The following ANKRD26 variants were observed in gnomAD, a reference collection of about 807,000 sequenced individuals.
The protein encoded by ANKRD26 is ankyrin repeat domain-containing protein 26.
In ANKRD26, 141 loss-of-function variants were observed where a neutral mutation model predicts 208.7. That is an observed-to-expected ratio of 0.68 (90% CI 0.59 to 0.78). ANKRD26 has a LOEUF of 0.78. Ranked by LOEUF, ANKRD26 falls within the 30% of genes least tolerant of loss-of-function variation. ANKRD26 has a pLI of 0.00. For synonymous variants in ANKRD26, 636 were observed against 660.4 expected, an observed-to-expected ratio of 0.96 and a Z score of 0.57; for missense variants, 1,889 against 1,938.7, an observed-to-expected ratio of 0.97 and a Z score of 0.48.
chr10:26,986,919 C>T (rs1246533513), downstream of ANKRD26, among the ~76,000 whole-genome samples: 9 of 152,342 alleles, frequency 5.9e-5, no homozygotes, highest in East Asian at 1.7e-3. Flanking sequence ...ACCCAGCCAT[C>T]CCATTACTGG....
chr10:27,041,929 A>G (rs1000659670), intron 20 of ANKRD26, among the ~76,000 whole-genome samples: 3 of 152,184 alleles, frequency 2.0e-5, no homozygotes, highest in African/African-American at 7.2e-5. Flanking sequence ...CAGAACTATA[A>G]CAAAATTATA....
intron 18 of ANKRD26, among the ~76,000 whole-genome samples, chr10:27,045,728 T>G (rs1342080203): frequency 6.6e-6 from 1 of 152,198 alleles, no homozygotes; most frequent in Non-Finnish European, 1.5e-5. Flanking sequence ...CAATTCAGTA[T>G]GGCCTATATG....
intron 32 of ANKRD26, among the ~76,000 whole-genome samples, chr10:27,011,604 G>GT (rs1326305792): frequency 6.6e-6 from 1 of 152,028 alleles, no homozygotes; most frequent in African/African-American, 2.4e-5. Flanking sequence ...GAGTGAAATC[G>GT]TAAGGCTGGA....
At chr10:27,042,796 T>TACAAAAAAAAAAAAAAAAAAAAA (rs2054297883) in intron 20 of ANKRD26, among the ~76,000 whole-genome samples, 4 of 24,562 alleles carry the variant, frequency 1.6e-4, no homozygotes, top group Admixed American at 4.7e-4. Context: ...AACAAAAAAA[T>TACAAAAAAAAAAAAAAAAAAAAA]ACAAAAAAAA....
At chr10:27,018,653 G>A (rs902185813) in intron 29 of ANKRD26, among the ~76,000 whole-genome samples, 3 of 152,126 alleles carry the variant, frequency 2.0e-5, no homozygotes, top group East Asian at 3.9e-4. Flanking sequence ...TGGTGTTAAG[G>A]CCACAGAATA....
chr10:27,100,204 G>T lies in ANKRD26; in HGVS notation c.123C>A (p.His41Gln). ...GEGAYSQPGY[H>Q]VRDRDLGKIH... ...TCTTGCCGAGATCTCGGTCTCGGACGTGGTAGCCGGGCTGCGAGTAGGCGC... is the reference window on the plus strand; with the variant it reads ...TCTTGCCGAGATCTCGGTCTCGGACTTGGTAGCCGGGCTGCGAGTAGGCGC... The change falls in exon 1 of 34, where the codon CAC becomes CAA. Residue 41 changes from histidine to glutamine, a missense_variant. By Grantham distance (24) the His-to-Gln change is conservative (BLOSUM62 0). Around this residue, in one of 3 missense-constraint regions of ANKRD26, gnomAD observed 1,272 missense variants for 1,273.8 expected, o/e 1.00. Coordinates refer to ENST00000376087, the MANE Select transcript of ANKRD26 (RefSeq NM_014915.3). 1.2e-6 allele frequency: 2 copies of T among 1,613,630 alleles called. No individual in the cohort carries two copies. The highest frequency in any genetic ancestry group is 1.7e-6 in the Non-Finnish European group (2 of 1,179,930).
the ANKRD26 span, among the ~76,000 whole-genome samples, chr10:26,958,924 C>T: frequency 6.6e-6 from 1 of 152,170 alleles, no homozygotes; most frequent in Non-Finnish European, 1.5e-5. Flanking sequence ...ACACTTTCAC[C>T]AGCAGTGTAA....
chr10:27,037,360 T>C (rs778571354), intron 22 of ANKRD26, 37 bp from the exon 23 acceptor site: 3 of 1,611,082 alleles, frequency 1.9e-6, no homozygotes, highest in Non-Finnish European at 2.5e-6. Flanking sequence ...ATTAGCATTT[T>C]GTAAAAGTCT....
intron 9 of ANKRD26, among the ~76,000 whole-genome samples, chr10:27,068,941 C>G (rs2135510612): frequency 6.6e-6 from 1 of 151,612 alleles, no homozygotes; most frequent in East Asian, 1.9e-4. Flanking sequence ...CACCTGTAAT[C>G]CCAGCACTTT....
chr10:26,976,462 G>A (rs192075256), intron 5 of ANKRD26, among the ~76,000 whole-genome samples: 1 of 152,174 alleles, frequency 6.6e-6, no homozygotes, highest in Non-Finnish European at 1.5e-5. Flanking sequence ...TGATCTGCCC[G>A]CCTCAGCCTC....
intron 4 of ANKRD26, chr10:26,995,253 T>C (rs891440606): frequency 2.0e-5 from 9 of 458,560 alleles, no homozygotes; most frequent in African/African-American, 1.2e-4. Context: ...TGTTGAGTTA[T>C]GATGAGAGTT....
At chr10:26,993,272 A>G (rs1463226384) in intron 5 of ANKRD26, among the ~76,000 whole-genome samples, 2 of 152,188 alleles carry the variant, frequency 1.3e-5, no homozygotes, top group East Asian at 3.8e-4. Flanking sequence ...AGTTAAAGCA[A>G]CATAGCCAAT....
intron 5 of ANKRD26, among the ~76,000 whole-genome samples, chr10:26,976,497 G>A (rs766934971): frequency 6.6e-6 from 1 of 152,124 alleles, no homozygotes; most frequent in Non-Finnish European, 1.5e-5. Context: ...TTACAGGCCT[G>A]AGCCACCGCA....
At chr10:27,052,618 TAAG>T (rs201432736) in intron 16 of ANKRD26, among the ~76,000 whole-genome samples, 1 of 152,168 alleles carries the variant, frequency 6.6e-6, no homozygotes, top group East Asian at 1.9e-4. Flanking sequence ...ATAAACTATA[TAAG>T]ACTTAAGTCT....
intron 25 of ANKRD26, among the ~76,000 whole-genome samples, chr10:27,032,135 C>T (rs1263383664): frequency 6.6e-6 from 1 of 152,166 alleles, no homozygotes; most frequent in Non-Finnish European, 1.5e-5. Context: ...GTATAATTCT[C>T]AACTTTCCTA....
the ANKRD26 span, among the ~76,000 whole-genome samples, chr10:26,960,951 G>T: frequency 1.1e-4 from 17 of 152,132 alleles, no homozygotes; most frequent in African/African-American, 3.9e-4. Context: ...GGGCACAGTG[G>T]CTCATGCCTG....
chr10:27,059,029 C>G (rs34304798), intron 15 of ANKRD26, among the ~76,000 whole-genome samples: 6,582 of 152,018 alleles, frequency 0.043, 158 homozygotes, highest in Non-Finnish European at 0.062. Context: ...ATTCTCCTGC[C>G]TCAGCCTCCT....
At chr10:26,964,036 C>T in the ANKRD26 span, among the ~76,000 whole-genome samples, 4 of 150,498 alleles carry the variant, frequency 2.7e-5, no homozygotes, top group Admixed American at 2.0e-4. Flanking sequence ...CTCAGCCTCC[C>T]AAGTGTAGCT....
At chr10:27,047,057 G>A (rs1304497569) in intron 17 of ANKRD26, among the ~76,000 whole-genome samples, 2 of 152,178 alleles carry the variant, frequency 1.3e-5, no homozygotes, top group African/African-American at 4.8e-5. Context: ...AAAGGCTGGA[G>A]CTCATTGCCT....
Sources: gnomAD v4.1 joint callset for allele counts (sites outside exome capture counted in the v4.1 genomes callset) on GRCh38, gnomAD v4.1.1 for gene constraint, gnomAD v4.1.1 regional missense constraint, MANE v1.5 for transcripts, NCBI Gene and HGNC (gene_info 2026-07-23, HGNC 2026-07-21) for gene names.